Variants in LRRC1 observed in about 807,000 individuals in gnomAD.
LRRC1 encodes leucine rich repeat containing 1.
Under a neutral mutation model 69.9 loss-of-function variants are expected in LRRC1, and 28 were observed. The observed-to-expected ratio is 0.40, with a 90% CI of 0.30 to 0.55. The LOEUF is 0.55. LRRC1 is among the 20% of genes least tolerant of loss of function. The pLI is 0.47. For missense variants in LRRC1, 498 were observed against 609.0 expected, an observed-to-expected ratio of 0.82 and a Z score of 1.92; for synonymous variants, 236 against 240.2, an observed-to-expected ratio of 0.98 and a Z score of 0.16.
intron 4 of LRRC1, 75 bp from the exon 5 acceptor site, chr6:53,896,423 G>T: frequency 8.2e-7 from 1 of 1,219,880 alleles, no homozygotes. Flanking sequence ...TGTCCAGTGT[G>T]TGTATGGGGG....
chr6:53,819,372 G>A (rs1186134549), intron 1 of LRRC1, among the ~76,000 whole-genome samples: 1 of 151,992 alleles, frequency 6.6e-6, no homozygotes, highest in Non-Finnish European at 1.5e-5. Flanking sequence ...GTCATTTAAG[G>A]GCCTTGAAAA....
At chr6:53,827,225 T>C (rs979026659) in intron 1 of LRRC1, among the ~76,000 whole-genome samples, 4 of 148,472 alleles carry the variant, frequency 2.7e-5, no homozygotes, top group African/African-American at 1.0e-4. Context: ...GTTGTGAGGG[T>C]GGGGAATGAA....
chr6:53,830,295 T>C (rs1034420893), intron 1 of LRRC1, among the ~76,000 whole-genome samples: 4 of 152,242 alleles, frequency 2.6e-5, no homozygotes, highest in Non-Finnish European at 4.4e-5. Context: ...CCTTTTCTTG[T>C]CAGAAAGAAA....
At chr6:53,803,001 C>G (rs1366454044) in intron 1 of LRRC1, among the ~76,000 whole-genome samples, 1 of 152,182 alleles carries the variant, frequency 6.6e-6, no homozygotes, top group South Asian at 2.1e-4. Context: ...TCCACAACCC[C>G]CAGTTCCCTT....
chr6:53,818,010 T>C (rs189684211), intron 1 of LRRC1, among the ~76,000 whole-genome samples: 3 of 152,354 alleles, frequency 2.0e-5, no homozygotes, highest in Admixed American at 2.0e-4. Context: ...ATGTGTAATA[T>C]ATGGACATGG....
chr6:53,816,778 C>T (rs1764962470), intron 1 of LRRC1, among the ~76,000 whole-genome samples: 1 of 152,176 alleles, frequency 6.6e-6, no homozygotes, highest in Non-Finnish European at 1.5e-5. Flanking sequence ...CCTTGTATTT[C>T]TGATTCCTCT....
Position 53,814,010 on chromosome 6 carries a change from T to A in LRRC1, c.159+18595T>A, listed in dbSNP as rs535134840. ...TTGCTCCTTTCCTCTATACAGAGTG[T>A]CCTTTGGCTCTCATGGTTTGTTTCT... On this transcript the variant is annotated intron_variant, in intron 1 of 13. Coordinates refer to ENST00000370888, the MANE Select transcript of LRRC1 (RefSeq NM_018214.5). Among the ~76,000 whole-genome samples, 44 of 152,286 alleles carry A rather than the reference T, an allele frequency of 2.9e-4. No individual in the cohort carries two copies. The South Asian group carries it at 6.2e-3, about 22-fold the overall frequency.
rs1436575663 is a variant in LRRC1, at chr6:53,923,113, C to G, written c.*320C>G. 1 of 205,052 alleles carries G rather than the reference C, an allele frequency of 4.9e-6. No homozygotes were observed. Among genetic ancestry groups the G allele is most frequent in the Non-Finnish European group, 9.7e-6 (1 of 102,892 alleles). 12.7% of individuals were successfully genotyped at this position (205,052 alleles called of 1,614,324 possible). ...GAAAGCAGGAAGGGGAATTTTTATC[C>G]TCCTCCCTTCCGTAAAGTGCTGGGA... On this transcript the variant is annotated 3_prime_UTR_variant, in exon 14 of 14. Coordinates refer to ENST00000370888, the MANE Select transcript of LRRC1 (RefSeq NM_018214.5).
chr6:53,849,189 C>G (rs958407960), intron 2 of LRRC1, among the ~76,000 whole-genome samples: 14 of 149,580 alleles, frequency 9.4e-5, no homozygotes, highest in African/African-American at 3.2e-4. Flanking sequence ...AATGTTTTGT[C>G]TATTTTAAAT....
chr6:53,865,141 G>T (rs1348774113), intron 2 of LRRC1, among the ~76,000 whole-genome samples: 1 of 152,062 alleles, frequency 6.6e-6, no homozygotes, highest in African/African-American at 2.4e-5. Flanking sequence ...ATATTAATCT[G>T]CTGTAATAAT....
At chr6:53,887,760 A>G (rs543351832) in intron 4 of LRRC1, among the ~76,000 whole-genome samples, 6 of 152,174 alleles carry the variant, frequency 3.9e-5, no homozygotes, top group Admixed American at 2.6e-4. Context: ...CATATTTGCA[A>G]TTTTTAAAGA....
At chr6:53,835,203 C>G (rs1432666795) in intron 1 of LRRC1, among the ~76,000 whole-genome samples, 1 of 152,180 alleles carries the variant, frequency 6.6e-6, no homozygotes, top group African/African-American at 2.4e-5. Context: ...TTTCATCACC[C>G]AAAAGAAACC....
At chr6:53,868,923 T>C (rs1766793469) in intron 2 of LRRC1, among the ~76,000 whole-genome samples, 1 of 152,114 alleles carries the variant, frequency 6.6e-6, no homozygotes, top group African/African-American at 2.4e-5. Flanking sequence ...CATAGCAGGG[T>C]CCTTCTTTGT....
chr6:53,812,765 G>T (rs1207619162), intron 1 of LRRC1, among the ~76,000 whole-genome samples: 2 of 151,422 alleles, frequency 1.3e-5, no homozygotes, highest in Non-Finnish European at 2.9e-5. Flanking sequence ...GATCAAACCT[G>T]TTGGCTTTAG....
At chr6:53,807,714 C>A (rs1176722169) in intron 1 of LRRC1, among the ~76,000 whole-genome samples, 1 of 151,710 alleles carries the variant, frequency 6.6e-6, no homozygotes, top group Admixed American at 6.6e-5. Context: ...CATTACACTC[C>A]AGCCTGGGCA....
At chr6:53,825,916 C>G (rs1435952807) in intron 1 of LRRC1, among the ~76,000 whole-genome samples, 3 of 151,896 alleles carry the variant, frequency 2.0e-5, no homozygotes, top group Admixed American at 6.6e-5. Flanking sequence ...TGTTCTTTCA[C>G]TTTCCTTCTG....
chr6:53,900,099 G>A (rs376965436), intron 8 of LRRC1, among the ~76,000 whole-genome samples: 9 of 132,970 alleles, frequency 6.8e-5, no homozygotes, highest in African/African-American at 2.5e-4. Flanking sequence ...GTGCAGTGGT[G>A]CAATCTCAGC....
At chr6:53,913,567 G>A (rs1562073197) in intron 10 of LRRC1, among the ~76,000 whole-genome samples, 1 of 152,336 alleles carries the variant, frequency 6.6e-6, no homozygotes, top group East Asian at 1.9e-4. Context: ...GATATCAGCA[G>A]TGGAAAATGA....
chr6:53,920,793 A>G, intron 13 of LRRC1, 32 bp downstream of exon 13: 1 of 1,612,896 alleles, frequency 6.2e-7, no homozygotes. Flanking sequence ...GCCTCTGTGG[A>G]AGTTCAAAAT....
Sources: gnomAD v4.1 joint callset for allele counts (sites outside exome capture counted in the v4.1 genomes callset) on GRCh38, gnomAD v4.1.1 for gene constraint, MANE v1.5 for transcripts, NCBI Gene and HGNC (gene_info 2026-07-23, HGNC 2026-07-21) for gene names.